Variants in SLC12A8 observed in about 807,000 individuals in gnomAD.
SLC12A8 encodes cation-chloride cotransporter 9.
In SLC12A8, 69 loss-of-function variants were observed where a neutral mutation model predicts 75.6. The observed-to-expected ratio is 0.91, with a 90% CI of 0.75 to 1.11. SLC12A8 has a LOEUF of 1.11. Ranked by LOEUF, SLC12A8 falls within the 50% of genes most tolerant of loss-of-function variation. SLC12A8 has a pLI of 0.00. For missense variants in SLC12A8, 877 were observed against 896.7 expected (o/e 0.98, Z 0.28); for synonymous variants, 365 against 372.8 (o/e 0.98, Z 0.24).
chr3:125,188,746 G>A (rs1210582623), intron 3 of SLC12A8, among the ~76,000 whole-genome samples: 1 of 152,180 alleles, frequency 6.6e-6, no homozygotes, highest in Non-Finnish European at 1.5e-5. Flanking sequence ...AACATGAGCT[G>A]GAAAATTGTC....
chr3:125,111,501 C>G (rs905390444), intron 8 of SLC12A8, among the ~76,000 whole-genome samples: 4 of 152,166 alleles, frequency 2.6e-5, no homozygotes, highest in Non-Finnish European at 5.9e-5. Context: ...TTTGAGGTGC[C>G]CTTTCCATTC....
At chr3:125,162,360 T>C (rs1934193898) in intron 5 of SLC12A8, among the ~76,000 whole-genome samples, 1 of 152,204 alleles carries the variant, frequency 6.6e-6, no homozygotes, top group Non-Finnish European at 1.5e-5. Context: ...AGGCCACTCA[T>C]GGAGCAACCC....
At chr3:125,172,093 G>A (rs977763664) in intron 5 of SLC12A8, among the ~76,000 whole-genome samples, 1 of 152,042 alleles carries the variant, frequency 6.6e-6, no homozygotes, top group African/African-American at 2.4e-5. Flanking sequence ...GGCCAACATG[G>A]TGATACCCTG....
intron 4 of SLC12A8, among the ~76,000 whole-genome samples, chr3:125,182,119 G>A (rs1309700605): frequency 6.6e-6 from 1 of 152,212 alleles, no homozygotes; most frequent in Non-Finnish European, 1.5e-5. Context: ...AAGCCCAGAA[G>A]TTCAAGACCA....
intron 9 of SLC12A8, among the ~76,000 whole-genome samples, chr3:125,109,177 G>A (rs904408448): frequency 5.3e-5 from 8 of 151,992 alleles, no homozygotes; most frequent in East Asian, 1.9e-4. Flanking sequence ...GGCTTTTCAC[G>A]TCTCTGAACT....
At chr3:125,202,658 T>C (rs1935148589) in intron 2 of SLC12A8, among the ~76,000 whole-genome samples, 1 of 124,446 alleles carries the variant, frequency 8.0e-6, no homozygotes, top group African/African-American at 2.9e-5. Flanking sequence ...TTTAAATCTG[T>C]ATCTAATGAT....
In SLC12A8 at chr3:125,132,645, C is replaced by T. The variant is rs866135546; in HGVS notation, c.736+3024G>A. Reference sequence around the variant, plus strand: ...GAGATGGGTTTGGTTCAAACTTGTTCGGTCCAAGATACCCAAGAGAAGATG... The same window carrying T: ...GAGATGGGTTTGGTTCAAACTTGTTTGGTCCAAGATACCCAAGAGAAGATG... On this transcript the variant is annotated intron_variant, in intron 6 of 13. Transcript: ENST00000469902. Among the ~76,000 whole-genome samples the T allele has an allele frequency of 5.3e-5, 8 of 152,106 alleles. No individual in the cohort carries two copies. In the South Asian group the frequency reaches 6.2e-4, roughly 12 times the overall value.
chr3:125,094,378 C>T (rs1419180214), intron 10 of SLC12A8, among the ~76,000 whole-genome samples: 1 of 152,190 alleles, frequency 6.6e-6, no homozygotes, highest in Non-Finnish European at 1.5e-5. Flanking sequence ...TCCTCCTACT[C>T]TCTGATAGAA....
chr3:125,120,962 AG>A (rs761833814), intron 6 of SLC12A8: 15 of 669,508 alleles, frequency 2.2e-5, no homozygotes, highest in African/African-American at 5.5e-5. Flanking sequence ...CAAAGCAACC[AG>A]GGGGGAGGAA....
chr3:125,208,301 G>A (rs1935264534), intron 2 of SLC12A8, among the ~76,000 whole-genome samples: 1 of 152,114 alleles, frequency 6.6e-6, no homozygotes, highest in African/African-American at 2.4e-5. Context: ...TTCTGGTGTT[G>A]GCCCAAGGTA....
chr3:125,156,571 G>A lies in SLC12A8; in HGVS notation c.623-20789C>T, dbSNP rs150573392. Reference sequence around the variant, plus strand: ...GTTTAACAAGTATGTGGATGTTCCCGATGGCGGTGGTGGACCAAAGATGGG... The same window carrying A: ...GTTTAACAAGTATGTGGATGTTCCCAATGGCGGTGGTGGACCAAAGATGGG... On this transcript the variant is annotated intron_variant, in intron 5 of 13. Coordinates refer to ENST00000469902, the MANE Select transcript of SLC12A8 (RefSeq NM_024628.6). Among the ~76,000 whole-genome samples the A allele has an allele frequency of 3.3e-3, 509 of 152,304 alleles. 2 individuals carry two copies. Among genetic ancestry groups the A allele is most frequent in the Middle Eastern group, 0.014 (4 of 294 alleles).
chr3:125,139,196 A>G (rs898947620), intron 5 of SLC12A8, among the ~76,000 whole-genome samples: 1 of 152,180 alleles, frequency 6.6e-6, no homozygotes, highest in Non-Finnish European at 1.5e-5. Flanking sequence ...AACATAAACA[A>G]GACAGGAAAA....
At chr3:125,187,150 C>T (rs922831280) in intron 4 of SLC12A8, 87 bp downstream of exon 4, 33 of 1,387,552 alleles carry the variant, frequency 2.4e-5, no homozygotes, top group Middle Eastern at 2.4e-4. Context: ...TCCCCACCCT[C>T]GCTTCTCCCC....
At chr3:125,141,393 C>A (rs1459482321) in intron 5 of SLC12A8, among the ~76,000 whole-genome samples, 1 of 152,206 alleles carries the variant, frequency 6.6e-6, no homozygotes, top group Non-Finnish European at 1.5e-5. Context: ...TCCCCTTAGC[C>A]AAAGGCAGGC....
At chr3:125,162,121 C>T (rs1287962485) in intron 5 of SLC12A8, among the ~76,000 whole-genome samples, 6 of 152,254 alleles carry the variant, frequency 3.9e-5, no homozygotes, top group East Asian at 1.9e-4. Flanking sequence ...GAGTATCCAT[C>T]GCCCAGGCGA....
chr3:125,104,442 A>G (rs1254610566), intron 10 of SLC12A8, among the ~76,000 whole-genome samples: 4 of 151,832 alleles, frequency 2.6e-5, no homozygotes, highest in Admixed American at 6.6e-5. Flanking sequence ...AAGATCAATA[A>G]TAGTATCAGA....
chr3:125,100,739 C>T (rs1283760303), intron 10 of SLC12A8, among the ~76,000 whole-genome samples: 7 of 147,736 alleles, frequency 4.7e-5, no homozygotes, highest in African/African-American at 9.8e-5. Context: ...TTAGGCCGGG[C>T]GCGGTGGCTC....
chr3:125,186,690 T>G (rs969568863), intron 4 of SLC12A8, among the ~76,000 whole-genome samples: 4 of 152,242 alleles, frequency 2.6e-5, no homozygotes, highest in African/African-American at 9.6e-5. Context: ...CCTCCGTCCA[T>G]TCTGATGAAG....
chr3:125,199,453 G>A (rs1038532408), intron 2 of SLC12A8, among the ~76,000 whole-genome samples: 1 of 152,130 alleles, frequency 6.6e-6, no homozygotes, highest in East Asian at 1.9e-4. Context: ...AAATAGTTAA[G>A]ATGGTAGGCC....
Sources: allele counts gnomAD v4.1 joint callset (sites outside exome capture counted in the v4.1 genomes callset), GRCh38; gene constraint gnomAD v4.1.1; transcripts MANE v1.5; gene names NCBI Gene and HGNC (gene_info 2026-07-23, HGNC 2026-07-21).